Variants in DOCK1 observed in about 807,000 individuals in gnomAD.
The protein encoded by DOCK1 is dedicator of cytokinesis protein 1.
In DOCK1, 138 loss-of-function variants were observed where a neutral mutation model predicts 262.7. That is an observed-to-expected ratio of 0.53 (90% CI 0.46 to 0.61). DOCK1 has a LOEUF of 0.61. Ranked by LOEUF, DOCK1 falls within the 20% of genes least tolerant of loss-of-function variation. The probability of loss-of-function intolerance (pLI) is 0.00; values close to 1 mark genes in which losing one functional copy is unlikely to be tolerated. For synonymous variants in DOCK1, 866 were observed against 867.4 expected (o/e 1.00, Z 0.03); for missense variants, 1,908 against 2,370.7 (o/e 0.80, Z 4.05).
chr10:127,136,375 G>A (rs2050695852), intron 27 of DOCK1: 2 of 151,708 alleles, frequency 1.3e-5, no homozygotes, highest in Non-Finnish European at 2.9e-5. Context: ...TCTAGTCAAT[G>A]AGGTGTGCAT....
At chr10:127,352,901 C>T (rs767986500) in intron 31 of DOCK1, among the ~76,000 whole-genome samples, 20 of 152,092 alleles carry the variant, frequency 1.3e-4, no homozygotes, top group Non-Finnish European at 2.4e-4. Context: ...CCTGGGCCTT[C>T]CTATTTTGAG....
chr10:127,216,016 G>A (rs74386537), intron 27 of DOCK1, among the ~76,000 whole-genome samples: 11 of 152,194 alleles, frequency 7.2e-5, no homozygotes, highest in Admixed American at 5.2e-4. Flanking sequence ...CATCTGAAAC[G>A]TAAGCCTTCA....
At chr10:127,164,019 A>G (rs766212644) in intron 27 of DOCK1, among the ~76,000 whole-genome samples, 16 of 151,922 alleles carry the variant, frequency 1.1e-4, no homozygotes, top group Admixed American at 9.8e-4. Flanking sequence ...AAAGGGTAAC[A>G]ATGCTGGTGG....
intron 27 of DOCK1, among the ~76,000 whole-genome samples, chr10:127,239,708 G>T (rs1360206017): frequency 6.6e-6 from 1 of 152,034 alleles, no homozygotes; most frequent in African/African-American, 2.4e-5. Context: ...TGTGTTTTCA[G>T]ATCCTCTATA....
chr10:127,382,397 A>G (rs1436126209), intron 37 of DOCK1, among the ~76,000 whole-genome samples: 21 of 152,218 alleles, frequency 1.4e-4, no homozygotes, highest in Admixed American at 1.4e-3. Context: ...AGGCTGCCCT[A>G]GAGACCTGCG....
chr10:127,402,550 C>T, intron 38 of DOCK1: 1 of 460,984 alleles, frequency 2.2e-6, no homozygotes, highest in Non-Finnish European at 4.4e-6. Flanking sequence ...TTTCTGCAAG[C>T]TTTAGTTTAG....
intron 38 of DOCK1, chr10:127,402,592 T>C: frequency 4.0e-6 from 2 of 499,266 alleles, no homozygotes; most frequent in East Asian, 6.6e-5. Flanking sequence ...TTCTGATCAT[T>C]GGTGATATTC....
chr10:127,120,917 T>C (rs1005390830), intron 25 of DOCK1, among the ~76,000 whole-genome samples: 3 of 152,204 alleles, frequency 2.0e-5, no homozygotes, highest in Non-Finnish European at 4.4e-5. Flanking sequence ...TGTAGGCTCA[T>C]ATTTGCTAAA....
At chr10:126,919,937 T>C (rs1359091126) in intron 1 of DOCK1, among the ~76,000 whole-genome samples, 1 of 151,838 alleles carries the variant, frequency 6.6e-6, no homozygotes, top group East Asian at 1.9e-4. Flanking sequence ...GAACCATGAG[T>C]TTTCTGTTGG....
rs756120088 is a variant in DOCK1 at position 127,374,109 on chromosome 10, T to G, written c.3570T>G (p.Thr1190=). 6.2e-7 allele frequency: 1 copy of G among 1,613,606 alleles called. No individual in the cohort carries two copies. Among genetic ancestry groups the G allele is most frequent in the Non-Finnish European group, 8.5e-7 (1 of 1,179,700 alleles). The change falls in exon 35 of 52, where the codon ACT becomes ACG. Residue 1190 remains threonine (T), a synonymous_variant. Coordinates refer to ENST00000623213, the MANE Select transcript of DOCK1 (RefSeq NM_001290223.2). The part of the protein sequence containing the change: ...KHKYLAKTGE[T]FVKLVVRLME... ...AATACCTCGCCAAAACAGGAGAAACTTTTGTAAAACTCGTTGTGCGCTTAA... is the reference window on the plus strand; with the variant it reads ...AATACCTCGCCAAAACAGGAGAAACGTTTGTAAAACTCGTTGTGCGCTTAA...
At chr10:126,923,590 C>T (rs2033412900) in intron 1 of DOCK1, among the ~76,000 whole-genome samples, 1 of 152,222 alleles carries the variant, frequency 6.6e-6, no homozygotes. Context: ...CACCACTGCA[C>T]TCCAGCCTGG....
At chr10:127,159,901 C>T (rs964348500) in intron 27 of DOCK1, among the ~76,000 whole-genome samples, 6 of 152,096 alleles carry the variant, frequency 3.9e-5, no homozygotes, top group Non-Finnish European at 8.8e-5. Flanking sequence ...GAGGGCTGGA[C>T]GGCATCTGCT....
At chr10:127,132,944 A>T (rs2486968) in intron 27 of DOCK1, among the ~76,000 whole-genome samples, 1 of 152,190 alleles carries the variant, frequency 6.6e-6, no homozygotes, top group Admixed American at 6.5e-5. Context: ...AGAAGTGGGC[A>T]TAGGGAAGGG....
intron 27 of DOCK1, among the ~76,000 whole-genome samples, chr10:127,186,525 G>GCCCCCC (rs1187468492): frequency 7.6e-5 from 2 of 26,252 alleles, no homozygotes; most frequent in Admixed American, 4.4e-4. Context: ...GCCCCCCCCC[G>GCCCCCC]ATCCAGTTAC....
intron 37 of DOCK1, among the ~76,000 whole-genome samples, chr10:127,382,317 C>T (rs2065870358): frequency 6.6e-6 from 1 of 152,176 alleles, no homozygotes; most frequent in Non-Finnish European, 1.5e-5. Flanking sequence ...GAGTAAAACT[C>T]TGGTAAGACT....
rs374002893 is a variant in DOCK1, at chr10:126,995,317, C to T, written c.474-1431C>T. ...CTGGGAGGTGGAGGTTGTAGCGAGCCGAGATCATGCCACTGCACTCCAGCC... is the reference window on the plus strand; with the variant it reads ...CTGGGAGGTGGAGGTTGTAGCGAGCTGAGATCATGCCACTGCACTCCAGCC... On this transcript the variant is annotated intron_variant, in intron 6 of 51. Coordinates refer to ENST00000623213, the MANE Select transcript of DOCK1 (RefSeq NM_001290223.2). The surrounding 1 kb of genome is among the most constrained non-coding windows in gnomAD (Gnocchi z 5.8). 1.6e-4 allele frequency among the ~76,000 whole-genome samples: 24 copies of T among 152,262 alleles called. No individual in the cohort carries two copies. The highest frequency in any genetic ancestry group is 1.5e-3 in the East Asian group (8 of 5,162).
rs929239236 is a variant in DOCK1, at chr10:127,395,980, A to G, written c.3928-7075A>G. Among the ~76,000 whole-genome samples, 3 of 152,194 alleles carry G rather than the reference A, an allele frequency of 2.0e-5. No individual in the cohort carries two copies. The South Asian group carries it at 6.2e-4, about 31-fold the overall frequency. ...ATTGAGCAAGGCAGCGAGGGTGCAC[A>G]CTGAGCAGTCCTGTGCAGGGCATTT... On this transcript the variant is annotated intron_variant, in intron 38 of 51. Coordinates refer to ENST00000623213, the MANE Select transcript of DOCK1 (RefSeq NM_001290223.2).
At chr10:127,299,335 C>A (rs1590335226) in intron 29 of DOCK1, among the ~76,000 whole-genome samples, 2 of 152,182 alleles carry the variant, frequency 1.3e-5, no homozygotes, top group Non-Finnish European at 2.9e-5. Context: ...AACTCCTGAC[C>A]TCAGATGATC....
intron 27 of DOCK1, among the ~76,000 whole-genome samples, chr10:127,209,354 C>A (rs1012993316): frequency 6.6e-6 from 1 of 152,154 alleles, no homozygotes; most frequent in Non-Finnish European, 1.5e-5. Flanking sequence ...TCTGAGGTCA[C>A]CCTGTGTGGG....
Sources: allele counts gnomAD v4.1 joint callset (sites outside exome capture counted in the v4.1 genomes callset), GRCh38; gene constraint gnomAD v4.1.1; non-coding constraint Gnocchi (gnomAD v3.1); transcripts MANE v1.5; gene names NCBI Gene and HGNC (gene_info 2026-07-23, HGNC 2026-07-21).